The following ST6GALNAC3 variants were observed in gnomAD, a reference collection of about 807,000 sequenced individuals.
ST6GALNAC3 encodes the protein ST6 N-acetylgalactosaminide alpha-2,6-sialyltransferase 3, also known as alpha-N-acetylgalactosaminide alpha-2,6-sialyltransferase 3.
ST6GALNAC3 carries 25 observed loss-of-function variants against 32.7 expected under a neutral mutation model. That is an observed-to-expected ratio of 0.76 (90% confidence interval 0.56 to 1.07). The LOEUF is 1.07. Among genes scored for constraint, ST6GALNAC3 ranks in the 50% least tolerant of loss-of-function variants. The pLI is 0.00. For missense variants in ST6GALNAC3, 355 were observed against 382.4 expected, an observed-to-expected ratio of 0.93 and a Z score of 0.60; for synonymous variants, 129 against 133.1, an observed-to-expected ratio of 0.97 and a Z score of 0.21.
intron 3 of ST6GALNAC3, among the ~76,000 whole-genome samples, chr1:76,478,016 G>A (rs1420686670): frequency 6.6e-6 from 1 of 152,176 alleles, no homozygotes; most frequent in Non-Finnish European, 1.5e-5. Context: ...CTCTTTGGAA[G>A]GGGAGTAGCA....
intron 3 of ST6GALNAC3, among the ~76,000 whole-genome samples, chr1:76,554,076 T>C (rs1221869253): frequency 6.6e-6 from 1 of 152,158 alleles, no homozygotes; most frequent in Admixed American, 6.6e-5. Context: ...CAATTGAAAA[T>C]ATGTTACAAA....
chr1:76,441,254 A>C (rs1656580307), intron 3 of ST6GALNAC3, among the ~76,000 whole-genome samples: 1 of 152,084 alleles, frequency 6.6e-6, no homozygotes, highest in South Asian at 2.1e-4. Context: ...ACTATATGTC[A>C]AGCATATATT....
chr1:76,431,769 T>C (rs1655769474), intron 3 of ST6GALNAC3, among the ~76,000 whole-genome samples: 1 of 152,150 alleles, frequency 6.6e-6, no homozygotes, highest in South Asian at 2.1e-4. Context: ...TCTCTCGCAT[T>C]ATTAACATCC....
At chr1:76,338,452 G>T (rs1180335273) in intron 2 of ST6GALNAC3, among the ~76,000 whole-genome samples, 1 of 152,148 alleles carries the variant, frequency 6.6e-6, no homozygotes, top group Non-Finnish European at 1.5e-5. Flanking sequence ...CTAGATTCCT[G>T]GACACTTGAT....
chr1:76,433,569 G>T (rs1557882142), intron 3 of ST6GALNAC3, among the ~76,000 whole-genome samples: 1 of 152,158 alleles, frequency 6.6e-6, no homozygotes, highest in Non-Finnish European at 1.5e-5. Context: ...CCTGGCTTTG[G>T]GTCTTGCCTC....
intron 3 of ST6GALNAC3, among the ~76,000 whole-genome samples, chr1:76,612,967 G>A (rs771472414): frequency 6.6e-6 from 1 of 152,194 alleles, no homozygotes; most frequent in South Asian, 2.1e-4. Flanking sequence ...AGATGTCACC[G>A]TGGGGCTTTG....
chr1:76,075,583 G>T (rs1298236501), intron 1 of ST6GALNAC3, among the ~76,000 whole-genome samples: 1 of 152,152 alleles, frequency 6.6e-6, no homozygotes, highest in Non-Finnish European at 1.5e-5. Flanking sequence ...CTCCAAGACC[G>T]GATTCTTAGC....
intron 3 of ST6GALNAC3, among the ~76,000 whole-genome samples, chr1:76,494,618 T>A (rs1223906137): frequency 8.5e-6 from 1 of 117,740 alleles, no homozygotes; most frequent in Non-Finnish European, 1.7e-5. Flanking sequence ...TACCCTTGGC[T>A]GAAGCATAAA....
chr1:76,408,436 T>A (rs1420933275), intron 2 of ST6GALNAC3, among the ~76,000 whole-genome samples: 2 of 152,068 alleles, frequency 1.3e-5, no homozygotes, highest in African/African-American at 4.8e-5. Flanking sequence ...TCAAAGCCGT[T>A]GCATTCATAA....
intron 2 of ST6GALNAC3, among the ~76,000 whole-genome samples, chr1:76,352,158 T>G (rs902730661): frequency 7.2e-5 from 11 of 152,192 alleles, no homozygotes; most frequent in African/African-American, 2.7e-4. Flanking sequence ...CACCATTGAT[T>G]AGTTCATTTT....
At chr1:76,185,770 G>T (rs993524592) in intron 1 of ST6GALNAC3, among the ~76,000 whole-genome samples, 2 of 151,864 alleles carry the variant, frequency 1.3e-5, no homozygotes, top group African/African-American at 2.4e-5. Context: ...CTGTACCCAT[G>T]GGTTCTGCAT....
At chr1:76,304,349 C>G (rs1660908756) in intron 1 of ST6GALNAC3, among the ~76,000 whole-genome samples, 1 of 152,032 alleles carries the variant, frequency 6.6e-6, no homozygotes, top group African/African-American at 2.4e-5. Context: ...CCTCCACTCT[C>G]CCTCTTCCCT....
intron 3 of ST6GALNAC3, among the ~76,000 whole-genome samples, chr1:76,559,413 C>G (rs1042044637): frequency 2.0e-5 from 3 of 152,138 alleles, no homozygotes; most frequent in African/African-American, 7.2e-5. Flanking sequence ...ATATAAAACT[C>G]CTGCAGGAAA....
intron 2 of ST6GALNAC3, among the ~76,000 whole-genome samples, chr1:76,377,534 G>A (rs1651335306): frequency 6.6e-6 from 1 of 152,090 alleles, no homozygotes; most frequent in Non-Finnish European, 1.5e-5. Context: ...TGTACCATGA[G>A]AACAGCAAGG....
intron 3 of ST6GALNAC3, among the ~76,000 whole-genome samples, chr1:76,626,001 A>T (rs1019687305): frequency 2.0e-5 from 3 of 151,880 alleles, no homozygotes; most frequent in Non-Finnish European, 4.4e-5. Flanking sequence ...AGGCTAAAAA[A>T]TCCAATTATC....
intron 3 of ST6GALNAC3, among the ~76,000 whole-genome samples, chr1:76,514,488 AT>A (rs1178205604): frequency 6.6e-6 from 1 of 152,112 alleles, no homozygotes; most frequent in Non-Finnish European, 1.5e-5. Flanking sequence ...CAGATCTCTC[AT>A]GAATGACTTG....
chr1:76,265,288 G>A (rs1658464004), intron 1 of ST6GALNAC3, among the ~76,000 whole-genome samples: 1 of 152,130 alleles, frequency 6.6e-6, no homozygotes, highest in African/African-American at 2.4e-5. Context: ...CTGTAGGCAG[G>A]TCATGATTGT....
At chr1:76,613,240 A>G (rs236019) in intron 3 of ST6GALNAC3, among the ~76,000 whole-genome samples, 151,493 of 152,358 alleles carry the variant, frequency 0.99, 75,323 homozygotes, top group Middle Eastern at 1. Context: ...ATTAAACAGT[A>G]AATAAGCCTC....
chr1:76,152,811 T>C (rs1426497040), intron 1 of ST6GALNAC3, among the ~76,000 whole-genome samples: 2 of 152,196 alleles, frequency 1.3e-5, no homozygotes, highest in Non-Finnish European at 2.9e-5. Context: ...ACTGGGAACA[T>C]GGAGAAAAGG....
Sources: gnomAD v4.1 joint callset for allele counts (sites outside exome capture counted in the v4.1 genomes callset) on GRCh38, gnomAD v4.1.1 for gene constraint, MANE v1.5 for transcripts, NCBI Gene and HGNC (gene_info 2026-07-23, HGNC 2026-07-21) for gene names.